Variants in CTNNA3 observed in about 807,000 individuals in gnomAD.
CTNNA3 encodes catenin alpha-3.
Under a neutral mutation model 95.7 loss-of-function variants are expected in CTNNA3, and 76 were observed. That is an observed-to-expected ratio of 0.79 (90% CI 0.66 to 0.96). CTNNA3 has a LOEUF of 0.96. Among genes scored for constraint, CTNNA3 ranks in the 40% least tolerant of loss-of-function variants. The pLI, the probability that CTNNA3 is intolerant of heterozygous loss-of-function variation, is 0.00. For missense variants in CTNNA3, 1,191 were observed against 1,089.8 expected, an observed-to-expected ratio of 1.09 and a Z score of -1.31; for synonymous variants, 431 against 374.4, an observed-to-expected ratio of 1.15 and a Z score of -1.74.
chr10:67,305,391 A>AG (rs1354873964), intron 5 of CTNNA3, among the ~76,000 whole-genome samples: 1 of 151,510 alleles, frequency 6.6e-6, no homozygotes, highest in Non-Finnish European at 1.5e-5. Context: ...AAAAAAAAAA[A>AG]AGAGAGAGAG....
intron 7 of CTNNA3, chr10:67,097,881 A>AAAAAC: frequency 1.6e-6 from 2 of 1,218,666 alleles, no homozygotes; most frequent in Non-Finnish European, 2.4e-6. Context: ...TGTGGACTCT[A>AAAAAC]AAAACAAAAC....
At chr10:66,377,966 T>C (rs749058338) in intron 12 of CTNNA3, among the ~76,000 whole-genome samples, 1 of 152,168 alleles carries the variant, frequency 6.6e-6, no homozygotes, top group Non-Finnish European at 1.5e-5. Context: ...ATTGTTAGCA[T>C]TGCATTATTT....
chr10:67,648,184 A>T (rs1193423731), intron 1 of CTNNA3, among the ~76,000 whole-genome samples: 4 of 152,254 alleles, frequency 2.6e-5, no homozygotes, highest in Non-Finnish European at 5.9e-5. Context: ...CTAAGGCATT[A>T]ACGTTATCCT....
chr10:66,827,343 T>G (rs1321710597), intron 7 of CTNNA3, among the ~76,000 whole-genome samples: 1 of 152,212 alleles, frequency 6.6e-6, no homozygotes, highest in African/African-American at 2.4e-5. Flanking sequence ...ATATTAGACA[T>G]GTTTATTAAT....
chr10:66,152,040 T>G (rs1241852513), intron 13 of CTNNA3, among the ~76,000 whole-genome samples: 2 of 151,982 alleles, frequency 1.3e-5, no homozygotes, highest in African/African-American at 4.8e-5. Flanking sequence ...GAAATCATAT[T>G]GTATCTATGC....
At chr10:66,981,174 G>T (rs1235999864) in intron 7 of CTNNA3, among the ~76,000 whole-genome samples, 1 of 152,196 alleles carries the variant, frequency 6.6e-6, no homozygotes, top group African/African-American at 2.4e-5. Flanking sequence ...AAAGTGCTGG[G>T]ATTACAGGCG....
chr10:67,573,071 A>C (rs1257249972), intron 3 of CTNNA3, among the ~76,000 whole-genome samples: 1 of 152,202 alleles, frequency 6.6e-6, no homozygotes, highest in Non-Finnish European at 1.5e-5. Flanking sequence ...TCTGGGTGAC[A>C]GAGTGAGACC....
intron 9 of CTNNA3, among the ~76,000 whole-genome samples, chr10:66,628,747 A>C (rs990420112): frequency 6.6e-6 from 1 of 152,124 alleles, no homozygotes; most frequent in Non-Finnish European, 1.5e-5. Flanking sequence ...CACTAGCCAA[A>C]TCACTGATAG....
intron 11 of CTNNA3, among the ~76,000 whole-genome samples, chr10:66,474,980 A>G (rs1447886827): frequency 6.6e-6 from 1 of 151,992 alleles, no homozygotes; most frequent in African/African-American, 2.4e-5. Context: ...CCTTGTCACA[A>G]GTGCAGTTTG....
chr10:67,383,778 T>C (rs1844038284), intron 5 of CTNNA3, among the ~76,000 whole-genome samples: 1 of 152,222 alleles, frequency 6.6e-6, no homozygotes, highest in Non-Finnish European at 1.5e-5. Context: ...ACATTGTATA[T>C]GATGAATAAG....
intron 7 of CTNNA3, among the ~76,000 whole-genome samples, chr10:66,971,623 A>C (rs951766908): frequency 2.0e-5 from 3 of 152,152 alleles, no homozygotes; most frequent in Non-Finnish European, 2.9e-5. Context: ...TAGAGTGCCC[A>C]CTTAGAGTAA....
At chr10:66,429,130 A>G (rs2093272208) in intron 11 of CTNNA3, among the ~76,000 whole-genome samples, 1 of 152,230 alleles carries the variant, frequency 6.6e-6, no homozygotes, top group East Asian at 1.9e-4. Flanking sequence ...AAACACCTCT[A>G]CACAAATAAA....
At chr10:66,609,221 G>C (rs566150810) in intron 10 of CTNNA3, among the ~76,000 whole-genome samples, 2 of 151,172 alleles carry the variant, frequency 1.3e-5, no homozygotes, top group East Asian at 3.9e-4. Flanking sequence ...CACCATGCCA[G>C]GCTAAATTTT....
rs183865201 is a variant in CTNNA3, at chr10:67,587,924, C to A, written c.292+18933G>T. ...TTTCATATTTTTTATATATTTTTGT[C>A]TGACTGGATTATTTTTAAAGATTTG... On this transcript the variant is annotated intron_variant, in intron 3 of 17. Coordinates refer to ENST00000433211, the MANE Select transcript of CTNNA3 (RefSeq NM_013266.4). Among the ~76,000 whole-genome samples the A allele has an allele frequency of 8.6e-5, 13 of 152,024 alleles. No individual in the cohort carries two copies. The East Asian group carries it at 2.1e-3, about 25-fold the overall frequency.
chr10:66,665,987 A>G (rs1846438745), intron 9 of CTNNA3, among the ~76,000 whole-genome samples: 1 of 152,166 alleles, frequency 6.6e-6, no homozygotes. Context: ...TTTTCCTACT[A>G]TAAATCATTG....
chr10:67,152,963 A>G (rs2132070492), intron 7 of CTNNA3, among the ~76,000 whole-genome samples: 1 of 152,196 alleles, frequency 6.6e-6, no homozygotes, highest in South Asian at 2.1e-4. Flanking sequence ...ACTACATACT[A>G]AAATCGCCCA....
rs570852346 is a variant in CTNNA3, at chr10:66,591,352, G to A, written c.1374+30340C>T. On this transcript the variant is annotated intron_variant, in intron 10 of 17. Transcript: ENST00000433211. ...ATATTATCAACGCACATGGAATAAAGAGCAATTAAGTACCTTCATAATTAA... is the reference window on the plus strand; with the variant it reads ...ATATTATCAACGCACATGGAATAAAAAGCAATTAAGTACCTTCATAATTAA... 3.9e-5 allele frequency among the ~76,000 whole-genome samples: 6 copies of A among 152,242 alleles called. No individual in the cohort carries two copies. The South Asian group carries it at 1.2e-3, about 32-fold the overall frequency.
At chr10:66,211,803 C>T (rs536260579) in intron 13 of CTNNA3, among the ~76,000 whole-genome samples, 12 of 152,228 alleles carry the variant, frequency 7.9e-5, no homozygotes, top group African/African-American at 2.9e-4. Flanking sequence ...AATTCCACAA[C>T]AGAGTTGCAA....
chr10:66,306,774 A>C (rs2091940491), intron 12 of CTNNA3, among the ~76,000 whole-genome samples: 1 of 152,220 alleles, frequency 6.6e-6, no homozygotes, highest in Admixed American at 6.5e-5. Context: ...GTTAAGAAAA[A>C]AAGAATTAAA....
Sources: allele counts gnomAD v4.1 joint callset (sites outside exome capture counted in the v4.1 genomes callset), GRCh38; gene constraint gnomAD v4.1.1; transcripts MANE v1.5; gene names NCBI Gene and HGNC (gene_info 2026-07-23, HGNC 2026-07-21).